Variants in ANK2 observed in about 807,000 individuals in gnomAD.
ANK2 encodes the protein ankyrin 2, also known as ankyrin-2.
In ANK2, 83 loss-of-function variants were observed where a neutral mutation model predicts 360.5. The observed-to-expected ratio is 0.23, with a 90% confidence interval of 0.19 to 0.28. The LOEUF (loss-of-function observed/expected upper bound fraction) is 0.28, where lower values mean the gene tolerates loss of function less well. ANK2 is among the 10% of genes least tolerant of loss of function. The probability of loss-of-function intolerance (pLI) is 1.00; values close to 1 mark genes in which losing one functional copy is unlikely to be tolerated. For synonymous variants in ANK2, 1,740 were observed against 1,759.5 expected, an observed-to-expected ratio of 0.99 and a Z score of 0.28; for missense variants, 4,201 against 4,795.7, an observed-to-expected ratio of 0.88 and a Z score of 3.66.
At chr4:113,046,758 G>A (rs547509342), upstream of ANK2, among the ~76,000 whole-genome samples, 4 of 152,100 alleles carry the variant, frequency 2.6e-5, no homozygotes, top group Non-Finnish European at 5.9e-5. Flanking sequence ...TACACAAGCA[G>A]CCAGCAGGGT....
chr4:113,081,924 CT>C (rs1313057410), intron 1 of ANK2, among the ~76,000 whole-genome samples: 1 of 151,932 alleles, frequency 6.6e-6, no homozygotes, highest in Non-Finnish European at 1.5e-5. Context: ...ATTCTCCTGC[CT>C]CAGCCTCCAG....
chr4:112,884,802 A>C (rs192080451), intron 1 of ANK2, among the ~76,000 whole-genome samples: 22 of 152,266 alleles, frequency 1.4e-4, no homozygotes, highest in African/African-American at 4.3e-4. Flanking sequence ...TCTGTCTTTC[A>C]TGATAATTTT....
intron 41 of ANK2, 64 bp from the exon 42 acceptor site, chr4:113,367,502 C>G: frequency 7.1e-7 from 1 of 1,408,628 alleles, no homozygotes; most frequent in Non-Finnish European, 1.0e-6. Context: ...ATATTTATTA[C>G]TTAATAAATA....
chr4:112,981,255 T>A (rs2043033131), intron 2 of ANK2, among the ~76,000 whole-genome samples: 2 of 152,104 alleles, frequency 1.3e-5, no homozygotes, highest in Non-Finnish European at 2.9e-5. Context: ...AATTGCGGAG[T>A]AGAAATCCTA....
intron 1 of ANK2, among the ~76,000 whole-genome samples, chr4:112,845,815 T>G (rs1357678668): frequency 6.6e-6 from 1 of 152,238 alleles, no homozygotes; most frequent in Non-Finnish European, 1.5e-5. Context: ...TATTTTTAAA[T>G]GTTGGTGATT....
chr4:112,910,006 T>G (rs1285593210), intron 2 of ANK2, among the ~76,000 whole-genome samples: 1 of 152,250 alleles, frequency 6.6e-6, no homozygotes, highest in Non-Finnish European at 1.5e-5. Context: ...TTAATTATTA[T>G]TAACCATATT....
chr4:113,207,487 G>C (rs144726576), intron 4 of ANK2, among the ~76,000 whole-genome samples: 2 of 152,198 alleles, frequency 1.3e-5, no homozygotes, highest in African/African-American at 2.4e-5. Flanking sequence ...TTTTACATAA[G>C]AGTTACTTCT....
At chr4:112,972,032 A>G (rs1490184536) in intron 2 of ANK2, among the ~76,000 whole-genome samples, 2 of 152,216 alleles carry the variant, frequency 1.3e-5, no homozygotes, top group African/African-American at 4.8e-5. Context: ...CCCTTTTACA[A>G]TTCTGCCAAG....
intron 23 of ANK2, among the ~76,000 whole-genome samples, chr4:113,309,891 T>G (rs755486116): frequency 1.3e-5 from 2 of 152,194 alleles, no homozygotes; most frequent in East Asian, 3.8e-4. Context: ...AAAAATATAT[T>G]CTTCAAATGT....
At chr4:113,333,028 C>T (rs2153941552) in intron 28 of ANK2, 26 bp from the exon 29 acceptor site, 1 of 1,614,082 alleles carries the variant, frequency 6.2e-7, no homozygotes, top group Non-Finnish European at 8.5e-7. Context: ...CCTGTCCACA[C>T]TGAATGTTCT....
At chr4:113,374,698 GA>G (rs2096863562) in intron 45 of ANK2, 1 of 970,026 alleles carries the variant, frequency 1.0e-6, no homozygotes, top group Admixed American at 5.5e-5. Flanking sequence ...TTTTAACATA[GA>G]AAAAATTCAT....
chr4:113,231,419 C>G (rs1428965945), intron 4 of ANK2, among the ~76,000 whole-genome samples: 1 of 152,116 alleles, frequency 6.6e-6, no homozygotes, highest in Admixed American at 6.6e-5. Context: ...TAGTAAATTA[C>G]TTCACTAAGG....
At chr4:113,004,630 G>C (rs1204289458) in intron 2 of ANK2, among the ~76,000 whole-genome samples, 1 of 151,842 alleles carries the variant, frequency 6.6e-6, no homozygotes, top group Non-Finnish European at 1.5e-5. Context: ...TAAGTGATGG[G>C]GAATACTCTA....
intron 2 of ANK2, among the ~76,000 whole-genome samples, chr4:113,016,582 A>C (rs11098184): frequency 1.3e-5 from 2 of 151,986 alleles, no homozygotes; most frequent in African/African-American, 4.8e-5. Context: ...TGATGAAGGC[A>C]TTAGCTGATT....
chr4:112,921,445 G>A (rs2091492616), intron 2 of ANK2, among the ~76,000 whole-genome samples: 1 of 147,500 alleles, frequency 6.8e-6, no homozygotes, highest in Non-Finnish European at 1.5e-5. Flanking sequence ...TTATTTTGAG[G>A]ATTGTGAGGT....
chr4:113,365,273 C>CTT (rs552866131), intron 41 of ANK2, 91 bp downstream of exon 41: 239 of 1,060,912 alleles, frequency 2.3e-4, no homozygotes, highest in Admixed American at 5.6e-4. Flanking sequence ...GACCTACTGT[C>CTT]TTTTTTTTTT....
In ANK2 at chr4:113,353,055, A is replaced by T. The variant is rs765911819; in HGVS notation, c.4437A>T (p.Thr1479=). 6.2e-7 allele frequency: 1 copy of T among 1,613,552 alleles called. No individual in the cohort carries two copies. ...TCATTCACATCAAAGATGATGAGAC[A>T]GAATCTACAGAAACATCTGTCCTGA... ...IDMTSEKNDE[T]ESTETSVLKS... Residue 1479 remains threonine, a synonymous_variant, in exon 38 of 46, where the codon ACA becomes ACT. Transcript: ENST00000357077.
intron 1 of ANK2, among the ~76,000 whole-genome samples, chr4:112,861,627 G>T (rs936323121): frequency 6.6e-6 from 1 of 152,012 alleles, no homozygotes; most frequent in Non-Finnish European, 1.5e-5. Context: ...TATAAAATAG[G>T]GTATCTACAG....
intron 1 of ANK2, among the ~76,000 whole-genome samples, chr4:113,088,271 A>G (rs1474274854): frequency 2.0e-5 from 3 of 152,194 alleles, no homozygotes; most frequent in Non-Finnish European, 4.4e-5. Context: ...GAGTTTTCAC[A>G]GGTGCCTTCC....
Sources: gnomAD v4.1 joint callset for allele counts (sites outside exome capture counted in the v4.1 genomes callset) on GRCh38, gnomAD v4.1.1 for gene constraint, MANE v1.5 for transcripts, NCBI Gene and HGNC (gene_info 2026-07-23, HGNC 2026-07-21) for gene names.